Variants in SOX5 observed in about 807,000 individuals in gnomAD.
SOX5 encodes transcription factor SOX-5.
A neutral mutation model predicts 92.0 loss-of-function variants in SOX5; 9 were observed. The ratio of observed to expected loss-of-function variants is 0.10; its 90% CI spans 0.06 to 0.17. The LOEUF (loss-of-function observed/expected upper bound fraction) is 0.17. Ranked by LOEUF, SOX5 falls within the 10% of genes least tolerant of loss-of-function variation. The probability of loss-of-function intolerance (pLI) is 1.00; values close to 1 mark genes in which losing one functional copy is unlikely to be tolerated. For synonymous variants in SOX5, 344 were observed against 336.3 expected, an observed-to-expected ratio of 1.02 and a Z score of -0.25; for missense variants, 642 against 944.5, an observed-to-expected ratio of 0.68 and a Z score of 4.20.
intron 9 of SOX5, among the ~76,000 whole-genome samples, chr12:23,591,360 G>T (rs1022146983): frequency 1.3e-5 from 2 of 152,054 alleles, no homozygotes; most frequent in African/African-American, 2.4e-5. Context: ...CCTATTAGGG[G>T]CCAGCTACTT....
intron 4 of SOX5, among the ~76,000 whole-genome samples, chr12:24,011,375 G>A (rs975872641): frequency 3.3e-5 from 5 of 152,066 alleles, no homozygotes; most frequent in African/African-American, 1.2e-4. Flanking sequence ...TATTTTTTCA[G>A]GATTGGGAAA....
At chr12:23,823,306 C>A (rs2096161214) in intron 3 of SOX5, among the ~76,000 whole-genome samples, 2 of 152,124 alleles carry the variant, frequency 1.3e-5, no homozygotes, top group Non-Finnish European at 1.5e-5. Flanking sequence ...GTAAGGCAGG[C>A]CTGGTGGTGA....
intron 2 of SOX5, among the ~76,000 whole-genome samples, chr12:24,323,318 T>G (rs531368514): frequency 6.6e-6 from 1 of 150,770 alleles, no homozygotes; most frequent in East Asian, 1.9e-4. Flanking sequence ...TGTATATATA[T>G]ATATGCACAT....
At chr12:24,230,934 A>G (rs553208709) in intron 3 of SOX5, among the ~76,000 whole-genome samples, 11 of 152,218 alleles carry the variant, frequency 7.2e-5, no homozygotes, top group African/African-American at 2.7e-4. Flanking sequence ...GGCACTGAAA[A>G]TTGAGAGAAC....
At chr12:23,642,931 C>CA (rs1253964590) in intron 7 of SOX5, among the ~76,000 whole-genome samples, 4 of 138,916 alleles carry the variant, frequency 2.9e-5, no homozygotes, top group Non-Finnish European at 3.2e-5. Context: ...ACTAAAAATA[C>CA]AAAAAATTAG....
chr12:24,359,746 T>C (rs1955308177), intron 2 of SOX5, among the ~76,000 whole-genome samples: 1 of 152,224 alleles, frequency 6.6e-6, no homozygotes, highest in Admixed American at 6.5e-5. Flanking sequence ...CTAAGATTTT[T>C]TGTCATCAGC....
intron 2 of SOX5, among the ~76,000 whole-genome samples, chr12:23,861,466 G>A (rs1425528562): frequency 6.6e-6 from 1 of 152,124 alleles, no homozygotes. Context: ...GGAGTATAAA[G>A]AGGAGATAAA....
rs117896027 is a variant in SOX5 at position 24,451,784 on chromosome 12, T to C, written c.-250-83145A>G. ...CACTTTCCCATGTTTAAAATGGAGT[T>C]GAATATGACTACTGCATAGGGTTAG... On this transcript the variant is annotated intron_variant, in intron 1 of 4. Transcript: ENST00000446891. Among the ~76,000 whole-genome samples the C allele has an allele frequency of 1.8e-3, 281 of 152,308 alleles. 1 individual carries two copies. Among genetic ancestry groups the C allele is most frequent in the Non-Finnish European group, 3.2e-3 (216 of 68,026 alleles).
At chr12:24,147,755 T>C (rs956025151) in intron 4 of SOX5, among the ~76,000 whole-genome samples, 1 of 152,194 alleles carries the variant, frequency 6.6e-6, no homozygotes, top group Non-Finnish European at 1.5e-5. Flanking sequence ...AGCTATATTC[T>C]ATATATCAAC....
chr12:23,948,389 G>T (rs1944969298), intron 1 of SOX5, among the ~76,000 whole-genome samples: 1 of 151,972 alleles, frequency 6.6e-6, no homozygotes, highest in African/African-American at 2.4e-5. Flanking sequence ...TTCACTTCTA[G>T]AATGTTTTAA....
At chr12:24,414,155 A>T (rs1435073632) in intron 1 of SOX5, among the ~76,000 whole-genome samples, 3 of 151,872 alleles carry the variant, frequency 2.0e-5, no homozygotes, top group Non-Finnish European at 4.4e-5. Flanking sequence ...AAATCCATTA[A>T]TTTTTTTTCT....
At position 23,743,379 on chromosome 12, in the gene SOX5, A is replaced by C. The variant is rs200322061; in HGVS notation, c.569-2340T>G. Among the ~76,000 whole-genome samples, 24 of 151,910 alleles carry C rather than the reference A, an allele frequency of 1.6e-4. No individual in the cohort carries two copies. The East Asian group carries it at 4.5e-3, about 28-fold the overall frequency. On this transcript the variant is annotated intron_variant, in intron 4 of 14. Coordinates refer to ENST00000451604, the MANE Select transcript of SOX5 (RefSeq NM_006940.6). ...GGCTGGAGTACAGTGGCACGATCTC[A>C]CCTCACTGCAAACTCCGCCTCCTGG...
At chr12:23,638,542 A>G (rs2079577778) in intron 8 of SOX5, 1 of 152,180 alleles carries the variant, frequency 6.6e-6, no homozygotes, top group Admixed American at 6.5e-5. Flanking sequence ...ATAGGTTTCA[A>G]AGATTGGGGT....
At chr12:24,362,042 C>T (rs953336525) in intron 2 of SOX5, among the ~76,000 whole-genome samples, 10 of 152,130 alleles carry the variant, frequency 6.6e-5, no homozygotes, top group Non-Finnish European at 1.0e-4. Flanking sequence ...TTCTGTGTGA[C>T]CTTTCTGTCC....
Position 24,246,150 on chromosome 12 carries a change from CT to C in SOX5, c.-77+31065del, listed in dbSNP as rs1001586184. Among the ~76,000 whole-genome samples, 52 of 151,558 alleles carry C rather than the reference CT, an allele frequency of 3.4e-4. 1 individual carries two copies. Among genetic ancestry groups the C allele is most frequent in the African/African-American group, 1.2e-3 (48 of 41,330 alleles). The stretch of plus-strand genomic sequence containing the variant: ...AAATTTTGGTTTTAGTCTTGTTGAA[CT>C]TTTTTTTTAAATAATGTTTTCTTAT... On this transcript the variant is annotated intron_variant, in intron 3 of 4. Transcript: ENST00000446891.
chr12:23,590,206 A>C (rs555513315), intron 9 of SOX5, among the ~76,000 whole-genome samples: 1 of 152,184 alleles, frequency 6.6e-6, no homozygotes, highest in South Asian at 2.1e-4. Context: ...AAGTGATTTC[A>C]TCTGAAGTAT....
chr12:23,912,219 A>G (rs1044899199), intron 1 of SOX5, among the ~76,000 whole-genome samples: 2 of 152,166 alleles, frequency 1.3e-5, no homozygotes, highest in African/African-American at 4.8e-5. Flanking sequence ...CCCAGAAGAT[A>G]TACAAATGAT....
intron 4 of SOX5, among the ~76,000 whole-genome samples, chr12:24,204,124 C>T (rs575491479): frequency 6.6e-6 from 1 of 152,124 alleles, no homozygotes; most frequent in South Asian, 2.1e-4. Flanking sequence ...TTTGTCCTTC[C>T]TATTCTTGGT....
At chr12:24,053,187 CTTT>C (rs771748600) in intron 4 of SOX5, among the ~76,000 whole-genome samples, 1 of 143,216 alleles carries the variant, frequency 7.0e-6, no homozygotes, top group African/African-American at 2.6e-5. Context: ...CGCCCCCCCC[CTTT>C]TTTTTTTTTG....
Sources: allele counts gnomAD v4.1 joint callset (sites outside exome capture counted in the v4.1 genomes callset), GRCh38; gene constraint gnomAD v4.1.1; transcripts MANE v1.5; gene names NCBI Gene and HGNC (gene_info 2026-07-23, HGNC 2026-07-21).